Variants in NPL observed in about 807,000 individuals in gnomAD.
The protein encoded by NPL is N-acetylneuraminate pyruvate lyase.
NPL carries 32 observed loss-of-function variants against 41.1 expected under a neutral mutation model. The ratio of observed to expected loss-of-function variants is 0.78; its 90% CI spans 0.59 to 1.05. NPL has a LOEUF of 1.05. Ranked by LOEUF, NPL falls within the 50% of genes least tolerant of loss-of-function variation. The pLI is 0.00. For synonymous variants in NPL, 128 were observed against 134.9 expected (o/e 0.95, Z 0.35); for missense variants, 321 against 378.4 (o/e 0.85, Z 1.26).
chr1:182,829,557 A>G lies in NPL; in HGVS notation c.*649A>G. The G allele has an allele frequency of 4.6e-6, 7 of 1,529,340 alleles. No homozygotes were observed. The highest frequency in any genetic ancestry group is 5.3e-6 in the Non-Finnish European group (6 of 1,129,086). The allele number at this position is 1,529,340 out of a possible 1,614,324, so 94.7% of individuals were successfully genotyped here. ...GCGGCTTTCTCATAACAAAGGAAAA[A>G]GTCTTCCCCAAAGATGAATTTAAGT... is the stretch of plus-strand genomic sequence containing the variant. On this transcript the variant is annotated 3_prime_UTR_variant, in exon 13 of 13. Coordinates refer to ENST00000367553, the MANE Select transcript of NPL (RefSeq NM_030769.3).
chr1:182,828,601 A>G lies in NPL; in HGVS notation c.779-123A>G, dbSNP rs757102609. ...TGTCATATTGACTAGAAATGTTCCC[A>G]TCTTTTGTTTTAATCTTACCCTGTT... On this transcript the variant is annotated intron_variant, in intron 12 of 12. Coordinates refer to ENST00000367553, the MANE Select transcript of NPL (RefSeq NM_030769.3). This position sits in a 1 kb window ranked among gnomAD's most constrained non-coding sequence, Gnocchi z 4.0. 1,175 of 1,219,726 alleles carry G rather than the reference A, an allele frequency of 9.6e-4. 5 individuals carry two copies. The highest frequency in any genetic ancestry group is 9.3e-4 in the Non-Finnish European group (788 of 845,850). The allele number at this position is 1,219,726 out of a possible 1,614,324, so 75.6% of individuals were successfully genotyped here.
At chr1:182,803,628 A>G in intron 3 of NPL, 70 bp from the exon 4 acceptor site, 1 of 1,028,796 alleles carries the variant, frequency 9.7e-7, no homozygotes, top group Non-Finnish European at 1.5e-6. Flanking sequence ...AGCAGTTTAT[A>G]TACCTGAGCA....
At chr1:182,815,200 G>A (rs1667289640) in intron 7 of NPL, among the ~76,000 whole-genome samples, 1 of 151,922 alleles carries the variant, frequency 6.6e-6, no homozygotes, top group Non-Finnish European at 1.5e-5. Flanking sequence ...TTTCTTAGAA[G>A]AATATAAGTG....
intron 11 of NPL, among the ~76,000 whole-genome samples, chr1:182,825,323 G>A (rs1305708374): frequency 1.3e-5 from 2 of 152,108 alleles, no homozygotes; most frequent in Non-Finnish European, 2.9e-5. Flanking sequence ...TTCTTATGCT[G>A]ATCAATTTTA....
At chr1:182,807,793 A>G (rs1251305890) in intron 5 of NPL, among the ~76,000 whole-genome samples, 3 of 147,782 alleles carry the variant, frequency 2.0e-5, no homozygotes, top group African/African-American at 7.5e-5. Flanking sequence ...CAGGAGGCTG[A>G]GGCAGGAGAA....
chr1:182,811,126 A>G (rs1667164670), intron 5 of NPL, among the ~76,000 whole-genome samples: 1 of 152,224 alleles, frequency 6.6e-6, no homozygotes, highest in African/African-American at 2.4e-5. Flanking sequence ...TATGTGCAAT[A>G]TCATTTACTT....
At chr1:182,799,734 A>G (rs1666779451) in intron 3 of NPL, among the ~76,000 whole-genome samples, 1 of 109,534 alleles carries the variant, frequency 9.1e-6, no homozygotes, top group South Asian at 3.0e-4. Flanking sequence ...CCTGTCTCCA[A>G]AAAAAAAAAA....
chr1:182,809,420 A>G, intron 5 of NPL: 1 of 271,230 alleles, frequency 3.7e-6, no homozygotes, highest in Non-Finnish European at 7.4e-6. Flanking sequence ...GGTACCTGTA[A>G]TCCCAGCTAA....
rs982618512 is a variant in NPL, at chr1:182,813,178, A to G, written c.288+965A>G. Among the ~76,000 whole-genome samples the G allele has an allele frequency of 2.6e-5, 4 of 151,332 alleles. No homozygotes were observed. In the South Asian group the frequency reaches 8.4e-4, roughly 32 times the overall value. Reference sequence around the variant, plus strand: ...AAAAAAAAAAAAAAAAAGCACAAAGATGTTTAAAATTGTTTATCAGAAGGC... The same window carrying G: ...AAAAAAAAAAAAAAAAAGCACAAAGGTGTTTAAAATTGTTTATCAGAAGGC... On this transcript the variant is annotated intron_variant, in intron 6 of 12. Coordinates refer to ENST00000367553, the MANE Select transcript of NPL (RefSeq NM_030769.3).
At chr1:182,814,112 A>G (rs571035445) in intron 6 of NPL, among the ~76,000 whole-genome samples, 1 of 152,364 alleles carries the variant, frequency 6.6e-6, no homozygotes, top group East Asian at 1.9e-4. Flanking sequence ...GCCCAGCACC[A>G]TGATTGACCT....
At chr1:182,799,941 T>C (rs1666788313) in intron 3 of NPL, among the ~76,000 whole-genome samples, 1 of 152,200 alleles carries the variant, frequency 6.6e-6, no homozygotes, top group South Asian at 2.1e-4. Context: ...GAGAAGGTGC[T>C]GTGCAGCCTA....
chr1:182,821,931 C>T (rs1026697920), intron 10 of NPL, among the ~76,000 whole-genome samples, 184 bp from the exon 11 acceptor site: 1 of 152,180 alleles, frequency 6.6e-6, no homozygotes. Flanking sequence ...CTCTGCAGTA[C>T]TGCTCAGTAT....
intron 10 of NPL, among the ~76,000 whole-genome samples, chr1:182,819,459 A>T (rs1317554364): frequency 3.9e-5 from 6 of 151,964 alleles, no homozygotes; most frequent in South Asian, 4.2e-4. Context: ...AAAAAAAAAA[A>T]AATTAGCCAG....
chr1:182,812,350 T>C, intron 6 of NPL, 137 bp downstream of exon 6: 2 of 770,576 alleles, frequency 2.6e-6, no homozygotes, highest in Non-Finnish European at 2.2e-6. Context: ...AGGGGCTTAC[T>C]GCATAGAAGC....
rs1667690268 is a variant in NPL at position 182,828,590 on chromosome 1, GA to G, written c.779-131del. 1 of 1,134,260 alleles carries G rather than the reference GA, an allele frequency of 8.8e-7. No homozygotes were observed. The highest frequency in any genetic ancestry group is 2.0e-5 in the Admixed American group (1 of 49,578). 70.3% of individuals were successfully genotyped at this position (1,134,260 alleles called of 1,614,324 possible). ...GATTGCTCATCTGTCATATTGACTA[GA>G]AATGTTCCCATCTTTTGTTTTAATC... On this transcript the variant is annotated intron_variant, in intron 12 of 12. Transcript: ENST00000367553. The surrounding 1 kb of genome is among the most constrained non-coding windows in gnomAD (Gnocchi z 4.0).
Position 182,829,652 on chromosome 1 carries a change from C to G in NPL, c.*744C>G, listed in dbSNP as rs751415278. The G allele has an allele frequency of 1.4e-5, 22 of 1,548,714 alleles. No homozygotes were observed. The highest frequency in any genetic ancestry group is 1.7e-5 in the Non-Finnish European group (19 of 1,144,922). On this transcript the variant is annotated 3_prime_UTR_variant, in exon 13 of 13. Coordinates refer to ENST00000367553, the MANE Select transcript of NPL (RefSeq NM_030769.3). ...AGAACCAAAGGACTCTTCCTCTGGGCACCACAAACTTCCCCTTCCTCCACT... is the reference window on the plus strand; with the variant it reads ...AGAACCAAAGGACTCTTCCTCTGGGGACCACAAACTTCCCCTTCCTCCACT...
chr1:182,818,036 G>A (rs1667384475), intron 8 of NPL, among the ~76,000 whole-genome samples: 2 of 152,150 alleles, frequency 1.3e-5, no homozygotes, highest in Non-Finnish European at 2.9e-5. Context: ...TGGTTCCCCT[G>A]GCAACCAGCC....
At chr1:182,810,191 G>A (rs1310981236) in intron 5 of NPL, among the ~76,000 whole-genome samples, 5 of 152,158 alleles carry the variant, frequency 3.3e-5, no homozygotes, top group African/African-American at 4.8e-5. Context: ...TGGGAAGACT[G>A]CATTCACAGC....
Position 182,829,222 on chromosome 1 carries a change from A to C in NPL, c.*314A>C, listed in dbSNP as rs561881908. The C allele has an allele frequency of 8.2e-7, 1 of 1,213,904 alleles. No individual in the cohort carries two copies. Among genetic ancestry groups the C allele is most frequent in the South Asian group, 2.2e-5 (1 of 44,502 alleles). The allele number at this position is 1,213,904 out of a possible 1,614,324, so 75.2% of individuals were successfully genotyped here. ...CCATCTGTCTTTAGGAGCTCTCATT[A>C]TCTCGGTCTCTGGTTCCTAATCCTA... On this transcript the variant is annotated 3_prime_UTR_variant, in exon 13 of 13. Coordinates refer to ENST00000367553, the MANE Select transcript of NPL (RefSeq NM_030769.3).
Sources: gnomAD v4.1 joint callset for allele counts (sites outside exome capture counted in the v4.1 genomes callset) on GRCh38, gnomAD v4.1.1 for gene constraint, Gnocchi (gnomAD v3.1) non-coding constraint, MANE v1.5 for transcripts, NCBI Gene and HGNC (gene_info 2026-07-23, HGNC 2026-07-21) for gene names.